COMMD10: variants seen among roughly 807,000 people sequenced by gnomAD.
COMMD10 encodes the protein COMM domain-containing protein 10.
A neutral mutation model predicts 28.9 loss-of-function variants in COMMD10; 33 were observed. That is an observed-to-expected ratio of 1.14 (90% confidence interval 0.87 to 1.53). The LOEUF (loss-of-function observed/expected upper bound fraction) is 1.53, where lower values mean the gene tolerates loss of function less well. Among genes scored for constraint, COMMD10 ranks in the 40% most tolerant of loss-of-function variants. The pLI, the probability that COMMD10 is intolerant of heterozygous loss-of-function variation, is 0.00. For missense variants in COMMD10, 310 were observed against 233.4 expected, an observed-to-expected ratio of 1.33 and a Z score of -2.14; for synonymous variants, 110 against 81.7, an observed-to-expected ratio of 1.35 and a Z score of -1.87.
chr5:116,255,451 C>T (rs545613427), intron 5 of COMMD10, among the ~76,000 whole-genome samples: 25 of 151,566 alleles, frequency 1.6e-4, no homozygotes, highest in African/African-American at 5.8e-4. Flanking sequence ...TGTTCCTTTC[C>T]GTGTTTAGTG....
At chr5:116,290,953 T>G (rs1393188020) in intron 5 of COMMD10, among the ~76,000 whole-genome samples, 2 of 152,240 alleles carry the variant, frequency 1.3e-5, no homozygotes, top group East Asian at 3.9e-4. Flanking sequence ...GCATGTGAAG[T>G]AAAAGGAAAG....
At chr5:116,232,100 T>C (rs1749543440) in intron 5 of COMMD10, among the ~76,000 whole-genome samples, 1 of 152,142 alleles carries the variant, frequency 6.6e-6, no homozygotes, top group African/African-American at 2.4e-5. Flanking sequence ...CACATTCTAA[T>C]TGGCAGGAAC....
At chr5:116,208,546 C>G (rs759344941) in intron 5 of COMMD10, among the ~76,000 whole-genome samples, 2 of 152,082 alleles carry the variant, frequency 1.3e-5, no homozygotes, top group Non-Finnish European at 2.9e-5. Context: ...ATTTTAAGTT[C>G]TTAGAAGGAT....
At chr5:116,114,034 T>A (rs1751148751) in intron 4 of COMMD10, among the ~76,000 whole-genome samples, 2 of 152,196 alleles carry the variant, frequency 1.3e-5, no homozygotes, top group Non-Finnish European at 2.9e-5. Context: ...TTTATGATAT[T>A]CTTGGCTATA....
At chr5:116,168,597 C>T (rs528766121) in intron 5 of COMMD10, among the ~76,000 whole-genome samples, 9 of 152,260 alleles carry the variant, frequency 5.9e-5, no homozygotes, top group Middle Eastern at 3.4e-3. Context: ...AAACAGTCCT[C>T]AGCAAATGCA....
At chr5:116,246,205 G>A (rs543995194) in intron 5 of COMMD10, among the ~76,000 whole-genome samples, 16 of 152,170 alleles carry the variant, frequency 1.1e-4, no homozygotes, top group Non-Finnish European at 1.5e-4. Context: ...CAATCCAAGA[G>A]CCAAATGAGG....
chr5:116,218,812 T>C (rs1160203368), intron 5 of COMMD10, among the ~76,000 whole-genome samples: 3 of 152,160 alleles, frequency 2.0e-5, no homozygotes, highest in Admixed American at 6.5e-5. Flanking sequence ...CCTTTGTCAC[T>C]GGAAAATCCC....
chr5:116,181,995 G>C (rs1453761579), intron 5 of COMMD10, among the ~76,000 whole-genome samples: 1 of 152,058 alleles, frequency 6.6e-6, no homozygotes, highest in Non-Finnish European at 1.5e-5. Flanking sequence ...ACAAAAACAG[G>C]TAAACAGACA....
At chr5:116,121,662 A>G (rs933701843) in intron 4 of COMMD10, among the ~76,000 whole-genome samples, 19 of 152,068 alleles carry the variant, frequency 1.2e-4, no homozygotes, top group Middle Eastern at 3.2e-3. Flanking sequence ...TGACTTTTTA[A>G]TGATCGCCAT....
At chr5:116,266,200 T>C (rs1301847197) in intron 5 of COMMD10, among the ~76,000 whole-genome samples, 2 of 151,714 alleles carry the variant, frequency 1.3e-5, no homozygotes, top group Non-Finnish European at 2.9e-5. Context: ...CCAAAGTTAA[T>C]TTGACTATAT....
chr5:116,156,999 A>G (rs894283903), intron 5 of COMMD10, among the ~76,000 whole-genome samples: 1 of 152,266 alleles, frequency 6.6e-6, no homozygotes, highest in African/African-American at 2.4e-5. Flanking sequence ...TTTTCTGCCT[A>G]GAGATCTCAG....
chr5:116,192,920 G>A (rs1402734269), intron 5 of COMMD10, among the ~76,000 whole-genome samples: 2 of 152,098 alleles, frequency 1.3e-5, no homozygotes, highest in Admixed American at 1.3e-4. Context: ...GAAGCACCAG[G>A]TAACTAACTT....
intron 5 of COMMD10, among the ~76,000 whole-genome samples, chr5:116,267,944 T>C (rs1473357061): frequency 2.0e-4 from 31 of 151,800 alleles, no homozygotes; most frequent in African/African-American, 6.8e-4. Context: ...ATACAAAAAT[T>C]AATTCGAGAT....
chr5:116,218,543 AT>A (rs1749163286), intron 5 of COMMD10, among the ~76,000 whole-genome samples: 1 of 152,136 alleles, frequency 6.6e-6, no homozygotes, highest in Non-Finnish European at 1.5e-5. Flanking sequence ...GCAAAATGCA[AT>A]TTTCTAAAGA....
chr5:116,261,835 T>G (rs1294531965), intron 5 of COMMD10, among the ~76,000 whole-genome samples: 4 of 151,792 alleles, frequency 2.6e-5, no homozygotes, highest in African/African-American at 4.9e-5. Flanking sequence ...TCTTCAACCT[T>G]TGGTTCCACT....
chr5:116,227,357 G>C (rs1474521349), intron 5 of COMMD10, among the ~76,000 whole-genome samples: 2 of 151,838 alleles, frequency 1.3e-5, no homozygotes, highest in African/African-American at 4.8e-5. Context: ...TTTAATTGTG[G>C]TTATCCAGCC....
intron 4 of COMMD10, among the ~76,000 whole-genome samples, chr5:116,104,640 G>A (rs1165873047): frequency 6.7e-6 from 1 of 148,808 alleles, no homozygotes; most frequent in African/African-American, 2.5e-5. Context: ...TTTTTTTTGA[G>A]ACGGAGTCTC....
intron 4 of COMMD10, among the ~76,000 whole-genome samples, chr5:116,113,966 G>A (rs1381353369): frequency 6.6e-6 from 1 of 151,700 alleles, no homozygotes; most frequent in Non-Finnish European, 1.5e-5. Flanking sequence ...ATGTGACTTC[G>A]ATGTTGGTTG....
At chr5:116,269,877 T>C (rs980494863) in intron 5 of COMMD10, among the ~76,000 whole-genome samples, 22 of 151,800 alleles carry the variant, frequency 1.4e-4, no homozygotes, top group African/African-American at 5.3e-4. Context: ...AGAATTAATA[T>C]ATATTTTTTA....
Sources: allele counts gnomAD v4.1 joint callset (sites outside exome capture counted in the v4.1 genomes callset), GRCh38; gene constraint gnomAD v4.1.1; transcripts MANE v1.5; gene names NCBI Gene and HGNC (gene_info 2026-07-23, HGNC 2026-07-21).